DMRT3: variants seen among roughly 807,000 people sequenced by gnomAD.
DMRT3 encodes the protein doublesex- and mab-3-related transcription factor 3.
DMRT3 carries 29 observed loss-of-function variants against 34.9 expected under a neutral mutation model. The observed-to-expected ratio is 0.83, with a 90% CI of 0.62 to 1.13. The LOEUF (loss-of-function observed/expected upper bound fraction) is 1.13. Ranked by LOEUF, DMRT3 falls within the 50% of genes most tolerant of loss-of-function variation. The probability of loss-of-function intolerance (pLI) is 0.00; values close to 1 mark genes in which losing one functional copy is unlikely to be tolerated. For missense variants in DMRT3, 772 were observed against 629.1 expected, an observed-to-expected ratio of 1.23 and a Z score of -2.43; for synonymous variants, 350 against 286.0, an observed-to-expected ratio of 1.22 and a Z score of -2.26.
intron 1 of DMRT3, among the ~76,000 whole-genome samples, chr9:981,024 G>A (rs896742694): frequency 4.0e-5 from 6 of 151,816 alleles, no homozygotes; most frequent in South Asian, 2.1e-4. Context: ...AAAAGAAATC[G>A]AAAACATGGT....
chr9:978,024 A>G (rs1277347960), intron 1 of DMRT3, among the ~76,000 whole-genome samples: 2 of 152,180 alleles, frequency 1.3e-5, no homozygotes, highest in African/African-American at 4.8e-5. Flanking sequence ...TGGCCTTTCT[A>G]GCTTTGCTCC....
chr9:990,988 C>T lies in DMRT3; in HGVS notation c.1402C>T (p.Leu468Phe). The stretch of plus-strand genomic sequence containing the variant: ...GTCTGACTCCTCAGACTCTAGAACA[C>T]TCAACACATCATCTTAAAGTGGTGC... ...ERSDSSDSRTLNTSS is the reference protein window; with the variant it reads ...ERSDSSDSRTFNTSS The change falls in exon 2 of 2, where the codon CTC becomes TTC. Residue 468 changes from leucine to phenylalanine, a missense_variant. By Grantham distance (22) the Leu-to-Phe change is conservative (BLOSUM62 0). Coordinates refer to ENST00000190165, the MANE Select transcript of DMRT3 (RefSeq NM_021240.4). 6.2e-7 allele frequency: 1 copy of T among 1,611,090 alleles called. No homozygotes were observed. The highest frequency in any genetic ancestry group is 8.5e-7 in the Non-Finnish European group (1 of 1,177,650).
In DMRT3 at chr9:977,274, G is replaced by A. The variant is rs368615844; in HGVS notation, c.273G>A (p.Leu91=). 368 of 1,516,668 alleles carry A rather than the reference G, an allele frequency of 2.4e-4. No homozygotes were observed. The highest frequency in any genetic ancestry group is 3.1e-4 in the Non-Finnish European group (350 of 1,127,008). 94.0% of individuals were successfully genotyped at this position (1,516,668 alleles called of 1,614,324 possible). ...ESLESLIPDS[L]RALPGPPPPG... ...TGGAGAGCCTCATCCCCGACTCGCT[G>A]CGCGCTCTGCCAGGGCCCCCGCCGC... The change falls in exon 1 of 2, where the codon CTG becomes CTA. Residue 91 remains leucine, a synonymous_variant. Coordinates refer to ENST00000190165, the MANE Select transcript of DMRT3 (RefSeq NM_021240.4).
At chr9:989,791 T>C in intron 1 of DMRT3, 1 of 412,848 alleles carries the variant, frequency 2.4e-6, no homozygotes. Context: ...AGCCATTCTA[T>C]GTTGAAGGCA....
rs1820346676 is a variant in DMRT3 at position 990,597 on chromosome 9, A to C, written c.1011A>C (p.Pro337=). ...CTGTGGGATCAGCCTTTCGAGTCCC[A>C]GACACGTTGAGGTTTTCTGCCGACT... ...KWSVGSAFRV[P]DTLRFSADSS... The change falls in exon 2 of 2, where the codon CCA becomes CCC. Residue 337 remains proline, a synonymous_variant. Coordinates refer to ENST00000190165, the MANE Select transcript of DMRT3 (RefSeq NM_021240.4). The C allele has an allele frequency of 1.2e-6, 2 of 1,614,034 alleles. No homozygotes were observed. Among genetic ancestry groups the C allele is most frequent in the South Asian group, 2.2e-5 (2 of 91,088 alleles).
At chr9:977,498 C>T in intron 1 of DMRT3, 43 bp downstream of exon 1, 1 of 1,255,164 alleles carries the variant, frequency 8.0e-7, no homozygotes, top group Non-Finnish European at 1.0e-6. Context: ...GGCGCGGGGG[C>T]AACTTCGGAG....
At chr9:989,482 A>ATTGTAT (rs1170770414) in intron 1 of DMRT3, among the ~76,000 whole-genome samples, 1 of 152,228 alleles carries the variant, frequency 6.6e-6, no homozygotes, top group African/African-American at 2.4e-5. Context: ...TTAGCTAGCT[A>ATTGTAT]TTGTATATGG....
chr9:979,482 C>T (rs765772559), intron 1 of DMRT3, among the ~76,000 whole-genome samples: 11 of 152,176 alleles, frequency 7.2e-5, no homozygotes, highest in East Asian at 5.8e-4. Flanking sequence ...TTTGGGGGAC[C>T]GAGGCATCAG....
At chr9:984,802 T>C (rs1410449059) in intron 1 of DMRT3, among the ~76,000 whole-genome samples, 1 of 152,186 alleles carries the variant, frequency 6.6e-6, no homozygotes, top group Non-Finnish European at 1.5e-5. Context: ...TTGTTTCTCA[T>C]ATGTGGTAGA....
At position 990,576 on chromosome 9, in the gene DMRT3, G is replaced by C; in HGVS notation, c.990G>C (p.Val330=). 6.2e-7 allele frequency: 1 copy of C among 1,614,108 alleles called. No homozygotes were observed. The highest frequency in any genetic ancestry group is 8.5e-7 in the Non-Finnish European group (1 of 1,180,026). The part of the protein sequence containing the change: ...SYPISSSKWS[V]GSAFRVPDTL... ...CCATCTCGTCTTCCAAATGGTCTGT[G>C]GGATCAGCCTTTCGAGTCCCAGACA... The change falls in exon 2 of 2, where the codon GTG becomes GTC. Residue 330 remains valine (V), a synonymous_variant. Transcript: ENST00000190165.
At chr9:979,652 G>C (rs1424077240) in intron 1 of DMRT3, among the ~76,000 whole-genome samples, 2 of 152,060 alleles carry the variant, frequency 1.3e-5, no homozygotes, top group Non-Finnish European at 2.9e-5. Flanking sequence ...TGGGGAGAAA[G>C]GTAGGAAAAT....
chr9:977,727 A>G (rs990241436), intron 1 of DMRT3, among the ~76,000 whole-genome samples: 5 of 152,184 alleles, frequency 3.3e-5, no homozygotes, highest in African/African-American at 4.8e-5. Flanking sequence ...GTGCCTTCCC[A>G]GGTTGAAGGG....
intron 1 of DMRT3, among the ~76,000 whole-genome samples, chr9:988,676 G>C (rs1222598799): frequency 6.6e-6 from 1 of 152,064 alleles, no homozygotes; most frequent in Non-Finnish European, 1.5e-5. Context: ...AAATTTCACC[G>C]GCTGGCTATC....
intron 1 of DMRT3, 53 bp downstream of exon 1, chr9:977,508 G>A: frequency 8.1e-7 from 1 of 1,237,308 alleles, no homozygotes; most frequent in Non-Finnish European, 1.0e-6. Context: ...CAACTTCGGA[G>A]TGCCAGCTGC....
At chr9:982,798 C>T (rs1323762118) in intron 1 of DMRT3, among the ~76,000 whole-genome samples, 2 of 152,234 alleles carry the variant, frequency 1.3e-5, no homozygotes, top group Non-Finnish European at 2.9e-5. Flanking sequence ...CCTGCCCTGC[C>T]TGCCCGCCTC....
chr9:983,642 T>C (rs1223369596), intron 1 of DMRT3, among the ~76,000 whole-genome samples: 1 of 152,176 alleles, frequency 6.6e-6, no homozygotes, highest in Non-Finnish European at 1.5e-5. Context: ...ACAGGTGCAT[T>C]TTGGAAGGTA....
Position 990,217 on chromosome 9 carries a change from G to A in DMRT3, c.631G>A (p.Gly211Arg), listed in dbSNP as rs535812289. The A allele has an allele frequency of 1.5e-4, 244 of 1,614,008 alleles. No homozygotes were observed. In the South Asian group the frequency reaches 2.4e-3, roughly 16 times the overall value. ...AGGGGGATACGCTGTCCAGAAAAAC[G>A]GAGGCAACCCCGAGAGCCGCCCTGA... Reference protein sequence around the residue: ...EEGGYAVQKNGGNPESRPDSP... With the variant: ...EEGGYAVQKNRGNPESRPDSP... The change falls in exon 2 of 2, where the codon GGA (glycine) becomes AGA (arginine). Residue 211 changes from glycine to arginine, a missense_variant. Gly to Arg is a moderately radical substitution (Grantham distance 125). Transcript: ENST00000190165.
At chr9:986,998 C>G (rs775486341) in intron 1 of DMRT3, among the ~76,000 whole-genome samples, 2 of 151,932 alleles carry the variant, frequency 1.3e-5, no homozygotes, top group East Asian at 1.9e-4. Context: ...TCTTCATTCT[C>G]TATATTACTA....
chr9:977,950 G>A (rs1168209141), intron 1 of DMRT3, among the ~76,000 whole-genome samples: 1 of 152,174 alleles, frequency 6.6e-6, no homozygotes, highest in East Asian at 1.9e-4. Context: ...CTTCTCGGCC[G>A]GCCCGGCCCT....
Sources: allele counts gnomAD v4.1 joint callset (sites outside exome capture counted in the v4.1 genomes callset), GRCh38; gene constraint gnomAD v4.1.1; transcripts MANE v1.5; gene names NCBI Gene and HGNC (gene_info 2026-07-23, HGNC 2026-07-21).